Variants in STX18 observed in about 807,000 individuals in gnomAD.
The protein encoded by STX18 is syntaxin 18.
In STX18, 40 loss-of-function variants were observed where a neutral mutation model predicts 50.1. The ratio of observed to expected loss-of-function variants is 0.80; its 90% CI spans 0.62 to 1.04. STX18 has a LOEUF of 1.04. Ranked by LOEUF, STX18 falls within the 50% of genes least tolerant of loss-of-function variation. STX18 has a pLI of 0.00. For missense variants in STX18, 410 were observed against 415.8 expected (o/e 0.99, Z 0.12); for synonymous variants, 158 against 151.8 (o/e 1.04, Z -0.30).
Position 4,420,837 on chromosome 4 carries a change from C to T in STX18, c.912+27G>A, listed in dbSNP as rs761352951. 2.5e-6 allele frequency: 4 copies of T among 1,606,980 alleles called. No individual in the cohort carries two copies. The African/African-American group carries it at 5.3e-5, about 21-fold the overall frequency. On this transcript the variant is annotated intron_variant, in intron 10 of 10. Coordinates refer to ENST00000306200, the MANE Select transcript of STX18 (RefSeq NM_016930.4). This position sits in a 1 kb window ranked among gnomAD's most constrained non-coding sequence, Gnocchi z 4.3. ...TGGGACTCAGTGCTGCGCCACGTCG[C>T]ACCTGGGGAACCTAAACAGTGCCTA... is the stretch of plus-strand genomic sequence containing the variant.
At chr4:4,522,275 A>G (rs1730541111) in intron 1 of STX18, among the ~76,000 whole-genome samples, 1 of 152,212 alleles carries the variant, frequency 6.6e-6, no homozygotes, top group South Asian at 2.1e-4. Context: ...AATGAGTGTT[A>G]AGAGACTTAG....
At chr4:4,464,912 T>TG (rs1041369616) in intron 2 of STX18, among the ~76,000 whole-genome samples, 2 of 152,066 alleles carry the variant, frequency 1.3e-5, no homozygotes, top group Admixed American at 6.6e-5. Context: ...GTTTTTTTTT[T>TG]TGTGTGTGTC....
chr4:4,470,008 C>T (rs942094664), intron 2 of STX18, among the ~76,000 whole-genome samples: 41 of 152,274 alleles, frequency 2.7e-4, no homozygotes, highest in Admixed American at 2.6e-3. Context: ...CTTTTCTTTC[C>T]ATAGGACCTA....
intron 1 of STX18, among the ~76,000 whole-genome samples, chr4:4,482,139 C>CA (rs1728492147): frequency 6.6e-6 from 1 of 152,148 alleles, no homozygotes; most frequent in Non-Finnish European, 1.5e-5. Context: ...TCTTCACCTT[C>CA]ATTCATTCCC....
At chr4:4,444,957 C>A (rs1726314051) in intron 5 of STX18, among the ~76,000 whole-genome samples, 1 of 152,150 alleles carries the variant, frequency 6.6e-6, no homozygotes, top group African/African-American at 2.4e-5. Flanking sequence ...TCCATCCTAA[C>A]CACTTCTATT....
chr4:4,439,927 G>C (rs2108792717), intron 5 of STX18, among the ~76,000 whole-genome samples: 1 of 152,304 alleles, frequency 6.6e-6, no homozygotes, highest in Admixed American at 6.5e-5. Flanking sequence ...CTCCATAGCA[G>C]TTATCACAGT....
intron 1 of STX18, among the ~76,000 whole-genome samples, chr4:4,539,754 G>A (rs1393173618): frequency 1.3e-5 from 2 of 152,208 alleles, no homozygotes; most frequent in African/African-American, 4.8e-5. Context: ...AGGGAACTCA[G>A]CACCCTATGG....
chr4:4,538,179 T>C (rs1484516145), intron 1 of STX18, among the ~76,000 whole-genome samples: 1 of 151,514 alleles, frequency 6.6e-6, no homozygotes, highest in Admixed American at 6.6e-5. Context: ...ATATGTCAAG[T>C]AGATTTCAAC....
At chr4:4,481,551 G>C (rs542966169) in intron 1 of STX18, 1 of 152,320 alleles carries the variant, frequency 6.6e-6, no homozygotes, top group African/African-American at 2.4e-5. Flanking sequence ...AACCACTGCT[G>C]TATGTTTGCC....
chr4:4,448,978 A>G (rs1726587603), intron 5 of STX18, among the ~76,000 whole-genome samples: 1 of 151,992 alleles, frequency 6.6e-6, no homozygotes, highest in Non-Finnish European at 1.5e-5. Flanking sequence ...AAAAAGCAGT[A>G]GACCAAAAAA....
intron 1 of STX18, among the ~76,000 whole-genome samples, chr4:4,480,308 C>T (rs1334416795): frequency 6.6e-6 from 1 of 152,206 alleles, no homozygotes; most frequent in Non-Finnish European, 1.5e-5. Flanking sequence ...TTACCTTCCC[C>T]TTTAACCCAG....
At chr4:4,487,639 C>T (rs1036103793) in intron 1 of STX18, among the ~76,000 whole-genome samples, 5 of 152,160 alleles carry the variant, frequency 3.3e-5, no homozygotes, top group African/African-American at 1.2e-4. Flanking sequence ...TTACCTGCAG[C>T]CTTCTGTCGC....
intron 1 of STX18, among the ~76,000 whole-genome samples, chr4:4,499,045 T>C (rs974085222): frequency 2.6e-5 from 4 of 152,228 alleles, no homozygotes; most frequent in Non-Finnish European, 5.9e-5. Context: ...TGCCACTTCT[T>C]AGGAGAGGAA....
At chr4:4,455,891 A>G (rs1727036521) in intron 5 of STX18, among the ~76,000 whole-genome samples, 1 of 152,122 alleles carries the variant, frequency 6.6e-6, no homozygotes, top group African/African-American at 2.4e-5. Context: ...AGTGTGACAA[A>G]TCATAGCCAG....
chr4:4,487,138 C>T (rs891113137), intron 1 of STX18, among the ~76,000 whole-genome samples: 2 of 152,054 alleles, frequency 1.3e-5, no homozygotes, highest in Non-Finnish European at 2.9e-5. Flanking sequence ...ACGAGACACA[C>T]GAGGGTACAC....
Position 4,457,565 on chromosome 4 carries a change from C to T in STX18, c.353-65G>A. 3 of 1,219,908 alleles carry T rather than the reference C, an allele frequency of 2.5e-6. No homozygotes were observed. In the East Asian group the frequency reaches 7.0e-5, roughly 29 times the overall value. 75.6% of individuals were successfully genotyped at this position (1,219,908 alleles called of 1,614,324 possible). ...ATTATCCTAAAGAGCAATTCATCAGCTTCCTCACAACACTTTCTTTATTGA... is the reference window on the plus strand; with the variant it reads ...ATTATCCTAAAGAGCAATTCATCAGTTTCCTCACAACACTTTCTTTATTGA... On this transcript the variant is annotated intron_variant, in intron 3 of 10. Transcript: ENST00000306200.
chr4:4,518,207 A>G (rs1420402856), intron 1 of STX18, among the ~76,000 whole-genome samples: 1 of 152,242 alleles, frequency 6.6e-6, no homozygotes, highest in Non-Finnish European at 1.5e-5. Context: ...TATATTTCAG[A>G]TATATGTGGA....
intron 5 of STX18, among the ~76,000 whole-genome samples, chr4:4,455,164 C>T (rs1383421111): frequency 2.6e-5 from 4 of 152,164 alleles, no homozygotes; most frequent in African/African-American, 9.7e-5. Context: ...GCCACTTGAT[C>T]GTACCATTTC....
intron 7 of STX18, among the ~76,000 whole-genome samples, chr4:4,433,173 G>A (rs1243592463): frequency 1.3e-5 from 2 of 152,198 alleles, no homozygotes; most frequent in Admixed American, 6.5e-5. Flanking sequence ...ATTCCTACTT[G>A]ACTGGATTGT....
Sources: gnomAD v4.1 joint callset for allele counts (sites outside exome capture counted in the v4.1 genomes callset) on GRCh38, gnomAD v4.1.1 for gene constraint, Gnocchi (gnomAD v3.1) non-coding constraint, MANE v1.5 for transcripts, NCBI Gene and HGNC (gene_info 2026-07-23, HGNC 2026-07-21) for gene names.